Variants in TSC22D1 observed in about 807,000 individuals in gnomAD.
The protein encoded by TSC22D1 is TSC22 domain family member 1.
Under a neutral mutation model 74.2 loss-of-function variants are expected in TSC22D1, and 9 were observed. The observed-to-expected ratio is 0.12, with a 90% confidence interval of 0.07 to 0.21. The LOEUF (loss-of-function observed/expected upper bound fraction) is 0.21, where lower values mean the gene tolerates loss of function less well. TSC22D1 is among the 10% of genes least tolerant of loss of function. The pLI is 1.00. For synonymous variants in TSC22D1, 586 were observed against 492.5 expected, an observed-to-expected ratio of 1.19 and a Z score of -2.51; for missense variants, 1,427 against 1,304.7, an observed-to-expected ratio of 1.09 and a Z score of -1.44.
chr13:44,436,476 T>G (rs776720155), intron 1 of TSC22D1: 1 of 1,609,122 alleles, frequency 6.2e-7, no homozygotes, highest in Non-Finnish European at 8.5e-7. Flanking sequence ...CGAATAAATT[T>G]AAAGAAACTA....
chr13:44,548,421 A>G (rs981049081), intron 1 of TSC22D1, among the ~76,000 whole-genome samples: 8 of 152,226 alleles, frequency 5.3e-5, no homozygotes, highest in East Asian at 1.9e-4. Context: ...AAATAAATAA[A>G]TACTTAGTGT....
intron 1 of TSC22D1, among the ~76,000 whole-genome samples, chr13:44,525,795 CAAAAA>C (rs59399056): frequency 3.4e-5 from 3 of 88,548 alleles, no homozygotes; most frequent in Admixed American, 1.3e-4. Flanking sequence ...TAGCTTTTAA[CAAAAA>C]AAAAAAAAAA....
chr13:44,575,309 T>C lies in TSC22D1; in HGVS notation c.766A>G (p.Ser256Gly), dbSNP rs73190853. Reference sequence around the variant, plus strand: ...GTAGAGAGTTTTCTAGATACTGGGCTTGAGGGTGGCCCACCAGTAATGGAT... The same window carrying C: ...GTAGAGAGTTTTCTAGATACTGGGCCTGAGGGTGGCCCACCAGTAATGGAT... ...SASITGGPPS[S>G]PVSRKLSTTG... Residue 256 changes from serine to glycine, a missense_variant, in exon 1 of 3, where the codon AGC becomes GGC. Physicochemically the swap from Ser to Gly is moderately conservative, Grantham distance 56. This residue lies in a region of TSC22D1 where 1,343 missense variants were observed against 1,191.5 expected (regional missense o/e 1.13). Transcript: ENST00000458659. 9.7e-5 allele frequency: 156 copies of C among 1,614,138 alleles called. No homozygotes were observed. The highest frequency in any genetic ancestry group is 1.2e-4 in the Non-Finnish European group (146 of 1,180,026).
chr13:44,529,664 G>A (rs186006419), intron 1 of TSC22D1, among the ~76,000 whole-genome samples: 1 of 152,154 alleles, frequency 6.6e-6, no homozygotes, highest in East Asian at 1.9e-4. Context: ...CAGATGATAT[G>A]ATTGTGTATG....
chr13:44,536,938 A>AC, intron 1 of TSC22D1: 1 of 821,740 alleles, frequency 1.2e-6, no homozygotes, highest in Non-Finnish European at 1.4e-6. Context: ...AAAAAAAAAA[A>AC]AAAAAAAAAA....
At chr13:44,537,693 T>G in intron 1 of TSC22D1, 1 of 984,848 alleles carries the variant, frequency 1.0e-6, no homozygotes, top group Non-Finnish European at 1.2e-6. Context: ...TTATGGGAAT[T>G]CAAAGCTCTC....
chr13:44,498,381 G>C (rs538047048), intron 1 of TSC22D1, among the ~76,000 whole-genome samples: 1 of 152,112 alleles, frequency 6.6e-6, no homozygotes, highest in South Asian at 2.1e-4. Context: ...CTTCTGCCTG[G>C]GATACTCTTT....
At chr13:44,512,741 C>T (rs1049392842) in intron 1 of TSC22D1, among the ~76,000 whole-genome samples, 1 of 152,126 alleles carries the variant, frequency 6.6e-6, no homozygotes, top group African/African-American at 2.4e-5. Flanking sequence ...CCTCTGCCTC[C>T]CAGGTTCAAG....
intron 1 of TSC22D1, among the ~76,000 whole-genome samples, chr13:44,511,892 C>T (rs990494671): frequency 4.6e-5 from 7 of 152,168 alleles, no homozygotes; most frequent in African/African-American, 1.7e-4. Context: ...TAAACAGGAG[C>T]TACCCAAGCA....
chr13:44,571,940 C>A (rs1883796536), intron 1 of TSC22D1, among the ~76,000 whole-genome samples: 1 of 152,066 alleles, frequency 6.6e-6, no homozygotes, highest in Non-Finnish European at 1.5e-5. Flanking sequence ...GACCTGTTTT[C>A]TTTTTCTAAA....
chr13:44,538,485 T>G (rs1288222943), intron 1 of TSC22D1: 1 of 985,320 alleles, frequency 1.0e-6, no homozygotes, highest in African/African-American at 1.7e-5. Context: ...GTTTGCCTAC[T>G]TCATTAAGGT....
chr13:44,562,925 G>A (rs1421055109), intron 1 of TSC22D1, among the ~76,000 whole-genome samples: 1 of 152,070 alleles, frequency 6.6e-6, no homozygotes, highest in Non-Finnish European at 1.5e-5. Context: ...GACCAACATG[G>A]TGAAACCCCA....
At chr13:44,438,734 T>G (rs867138892) in intron 1 of TSC22D1, among the ~76,000 whole-genome samples, 1 of 152,120 alleles carries the variant, frequency 6.6e-6, no homozygotes, top group Admixed American at 6.6e-5. Flanking sequence ...GGAGACTAAG[T>G]AGAAGCTTAG....
chr13:44,436,224 G>A (rs1336895151), intron 1 of TSC22D1, 129 bp from the exon 2 acceptor site: 1 of 1,110,190 alleles, frequency 9.0e-7, no homozygotes, highest in Non-Finnish European at 1.3e-6. Context: ...ACTATGTAAT[G>A]TATCACCCTC....
chr13:44,558,572 T>C (rs1260013744), intron 1 of TSC22D1, among the ~76,000 whole-genome samples: 2 of 152,058 alleles, frequency 1.3e-5, no homozygotes, highest in Admixed American at 6.5e-5. Flanking sequence ...AAACCCCATC[T>C]CTACTAAAAA....
At chr13:44,515,300 A>T (rs1465057660) in intron 1 of TSC22D1, among the ~76,000 whole-genome samples, 1 of 152,124 alleles carries the variant, frequency 6.6e-6, no homozygotes, top group Non-Finnish European at 1.5e-5. Flanking sequence ...AATCCTCTAC[A>T]ACTATTTTTT....
chr13:44,538,868 G>T, intron 1 of TSC22D1: 1 of 985,344 alleles, frequency 1.0e-6, no homozygotes, highest in South Asian at 4.7e-5. Context: ...GAAGTATGAT[G>T]TTTTACCAGT....
intron 1 of TSC22D1, among the ~76,000 whole-genome samples, chr13:44,529,412 A>T (rs774762044): frequency 2.0e-4 from 30 of 152,092 alleles, no homozygotes; most frequent in Non-Finnish European, 3.7e-4. Flanking sequence ...AAGAGAGGGA[A>T]ACTCCCTCAA....
At position 44,432,220 on chromosome 13, in the gene TSC22D1, T is replaced by C. The variant is rs1028266415; in HGVS notation, c.*2406A>G. 6.6e-6 allele frequency: 1 copy of C among 152,316 alleles called. No individual in the cohort carries two copies. The highest frequency in any genetic ancestry group is 1.5e-5 in the Non-Finnish European group (1 of 68,016). The allele number at this position is 152,316 out of a possible 1,614,324, so 9.4% of individuals were successfully genotyped here. A position where few individuals can be genotyped will look rare whatever the true frequency, so the allele number is the denominator to read the frequency against. On this transcript the variant is annotated 3_prime_UTR_variant, in exon 3 of 3. Coordinates refer to ENST00000458659, the MANE Select transcript of TSC22D1 (RefSeq NM_183422.4). ...CCAAAATTTCATGAGTCTCACATTT[T>C]TAATAAAAAGACCCAAAGTTCCATT...
Sources: gnomAD v4.1 joint callset for allele counts (sites outside exome capture counted in the v4.1 genomes callset) on GRCh38, gnomAD v4.1.1 for gene constraint, gnomAD v4.1.1 regional missense constraint, MANE v1.5 for transcripts, NCBI Gene and HGNC (gene_info 2026-07-23, HGNC 2026-07-21) for gene names.